Variants in PHF20 observed in about 807,000 individuals in gnomAD.
PHF20 encodes glioma-expressed antigen 2.
In PHF20, 23 loss-of-function variants were observed where a neutral mutation model predicts 113.5. That is an observed-to-expected ratio of 0.20 (90% confidence interval 0.15 to 0.29). The LOEUF (loss-of-function observed/expected upper bound fraction) is 0.29. Among genes scored for constraint, PHF20 ranks in the 10% least tolerant of loss-of-function variants. The pLI is 1.00. For synonymous variants in PHF20, 434 were observed against 457.3 expected (o/e 0.95, Z 0.65); for missense variants, 943 against 1,219.6 (o/e 0.77, Z 3.38).
intron 10 of PHF20, among the ~76,000 whole-genome samples, chr20:35,903,446 A>G (rs1487706000): frequency 6.6e-6 from 1 of 151,730 alleles, no homozygotes; most frequent in African/African-American, 2.4e-5. Flanking sequence ...CACACAGACC[A>G]CTCACCCACT....
intron 1 of PHF20, among the ~76,000 whole-genome samples, chr20:35,786,060 A>G (rs989171696): frequency 1.3e-5 from 2 of 149,438 alleles, no homozygotes; most frequent in African/African-American, 4.9e-5. Flanking sequence ...AAAAAAAACA[A>G]ATCTTGTAAG....
intron 2 of PHF20, among the ~76,000 whole-genome samples, chr20:35,825,590 C>T (rs902604081): frequency 2.6e-5 from 4 of 152,024 alleles, no homozygotes; most frequent in African/African-American, 9.7e-5. Context: ...TTTCCTGGCT[C>T]CTTAAAGGTA....
In PHF20 at chr20:35,871,090, A is replaced by C; in HGVS notation, c.1058A>C (p.Asp353Ala). The change falls in exon 8 of 18, where the codon GAT becomes GCT. Residue 353 changes from aspartate to alanine, a missense_variant. Transcript: ENST00000374012. ...GTTGTATCAGATTTGGTTGATACGGATCCTTTGCAAGACACGTTGTCTAGT... is the reference window on the plus strand; with the variant it reads ...GTTGTATCAGATTTGGTTGATACGGCTCCTTTGCAAGACACGTTGTCTAGT... ...DLVVSDLVDT[D>A]PLQDTLSSTK... The C allele has an allele frequency of 6.2e-7, 1 of 1,612,996 alleles. No homozygotes were observed. The highest frequency in any genetic ancestry group is 2.2e-5 in the East Asian group (1 of 44,824).
intron 1 of PHF20, 144 bp from the exon 2 acceptor site, chr20:35,801,347 C>T: frequency 1.9e-6 from 1 of 520,710 alleles, no homozygotes. Flanking sequence ...GTGGAAGACA[C>T]ACCTGTGTTA....
intron 2 of PHF20, among the ~76,000 whole-genome samples, chr20:35,820,332 T>G (rs1356876864): frequency 6.6e-6 from 1 of 152,046 alleles, no homozygotes; most frequent in Non-Finnish European, 1.5e-5. Context: ...ACAGACATAG[T>G]CCCTGATCTT....
intron 3 of PHF20, 65 bp downstream of exon 3, chr20:35,842,809 A>G: frequency 1.4e-6 from 2 of 1,421,722 alleles, no homozygotes; most frequent in South Asian, 1.2e-5. Flanking sequence ...TTGTGTTTCA[A>G]TCTTTGATGT....
chr20:35,804,963 G>A (rs139250233), intron 2 of PHF20, among the ~76,000 whole-genome samples: 96 of 152,084 alleles, frequency 6.3e-4, no homozygotes, highest in African/African-American at 2.0e-3. Context: ...ATGCAGGGTC[G>A]TGATCTTGGC....
In PHF20 at chr20:35,931,415, T is replaced by G. The variant is rs1350661018; in HGVS notation, c.2271T>G (p.His757Gln). Reference protein sequence around the residue: ...GDVQRVIEVLHGLQLKMSILQ... With the variant: ...GDVQRVIEVLQGLQLKMSILQ... Reference sequence around the variant, plus strand: ...TGCAGAGAGTGATTGAGGTTCTGCATGGCCTGCAGCTCAAGATGAGCATCT... The same window carrying G: ...TGCAGAGAGTGATTGAGGTTCTGCAGGGCCTGCAGCTCAAGATGAGCATCT... Residue 757 changes from histidine (H) to glutamine (Q), a missense_variant, in exon 15 of 18, where the codon CAT becomes CAG. By Grantham distance (24) the His-to-Gln change is conservative. This residue lies in a region of PHF20 where 349 missense variants were observed against 412.3 expected (regional missense o/e 0.85). Transcript: ENST00000374012. 1.2e-6 allele frequency: 2 copies of G among 1,613,396 alleles called. No individual in the cohort carries two copies. Among genetic ancestry groups the G allele is most frequent in the South Asian group, 2.2e-5 (2 of 91,078 alleles).
intron 13 of PHF20, among the ~76,000 whole-genome samples, chr20:35,927,016 G>C (rs777689816): frequency 2.0e-5 from 3 of 152,060 alleles, no homozygotes; most frequent in Non-Finnish European, 4.4e-5. Flanking sequence ...CTATCCTCAG[G>C]CTGTCCACAT....
chr20:35,945,445 G>T (rs1047682982), intron 17 of PHF20, among the ~76,000 whole-genome samples: 1 of 152,180 alleles, frequency 6.6e-6, no homozygotes, highest in Non-Finnish European at 1.5e-5. Flanking sequence ...TATAGGGTTG[G>T]GGAAGGCTTC....
chr20:35,873,105 A>C (rs1264474681), intron 9 of PHF20, among the ~76,000 whole-genome samples: 1 of 144,728 alleles, frequency 6.9e-6, no homozygotes, highest in East Asian at 2.0e-4. Context: ...CACATTTATA[A>C]TTTTTTTTTT....
At chr20:35,873,517 G>A (rs1248043139) in intron 9 of PHF20, among the ~76,000 whole-genome samples, 4 of 144,248 alleles carry the variant, frequency 2.8e-5, no homozygotes, top group Admixed American at 1.4e-4. Context: ...CGCCCAGGCT[G>A]GAGTGCAGTG....
intron 14 of PHF20, among the ~76,000 whole-genome samples, chr20:35,928,176 C>T (rs2055679245): frequency 6.6e-6 from 1 of 152,104 alleles, no homozygotes; most frequent in South Asian, 2.1e-4. Flanking sequence ...CAGTGGCTCA[C>T]GCCTGTAATC....
At chr20:35,907,424 C>T (rs750106854) in intron 10 of PHF20, among the ~76,000 whole-genome samples, 17 of 152,266 alleles carry the variant, frequency 1.1e-4, no homozygotes, top group Admixed American at 2.0e-4. Context: ...TCAGGGCAGC[C>T]GGGAGGAAGC....
chr20:35,874,034 C>A (rs756238947), intron 9 of PHF20, among the ~76,000 whole-genome samples: 86 of 152,226 alleles, frequency 5.6e-4, no homozygotes, highest in Non-Finnish European at 1.0e-3. Flanking sequence ...TGCAATGGCA[C>A]GATCTTGGCT....
intron 13 of PHF20, among the ~76,000 whole-genome samples, chr20:35,920,122 T>C (rs2055484032): frequency 6.6e-6 from 1 of 152,234 alleles, no homozygotes; most frequent in Non-Finnish European, 1.5e-5. Context: ...CTGGTACCCA[T>C]ACTTTGTAGC....
At chr20:35,907,894 G>A (rs1211528626) in intron 10 of PHF20, among the ~76,000 whole-genome samples, 3 of 152,200 alleles carry the variant, frequency 2.0e-5, no homozygotes, top group African/African-American at 4.8e-5. Flanking sequence ...GGGTGTTGAA[G>A]TCCCCCACTA....
chr20:35,889,415 G>A (rs1335178154), intron 9 of PHF20, among the ~76,000 whole-genome samples: 1 of 151,822 alleles, frequency 6.6e-6, no homozygotes, highest in Non-Finnish European at 1.5e-5. Context: ...AGGCTGGAGT[G>A]CAGTGGCACA....
At chr20:35,843,454 G>T (rs1472143561) in intron 3 of PHF20, among the ~76,000 whole-genome samples, 1 of 149,370 alleles carries the variant, frequency 6.7e-6, no homozygotes, top group Admixed American at 6.7e-5. Flanking sequence ...AGGAGGCGGA[G>T]GTTGCAGTGA....
Sources: allele counts gnomAD v4.1 joint callset (sites outside exome capture counted in the v4.1 genomes callset), GRCh38; gene constraint gnomAD v4.1.1; regional missense constraint gnomAD v4.1.1; transcripts MANE v1.5; gene names NCBI Gene and HGNC (gene_info 2026-07-23, HGNC 2026-07-21).